Variants in KCNH1 observed in about 807,000 individuals in gnomAD.
KCNH1 encodes the protein voltage-gated delayed rectifier potassium channel KCNH1.
Under a neutral mutation model 69.2 loss-of-function variants are expected in KCNH1, and 27 were observed. The observed-to-expected ratio is 0.39, with a 90% CI of 0.29 to 0.54. The LOEUF is 0.54. KCNH1 is among the 20% of genes least tolerant of loss of function. KCNH1 has a pLI of 0.68. For missense variants in KCNH1, 798 were observed against 1,261.6 expected (o/e 0.63, Z 5.57); for synonymous variants, 456 against 487.7 (o/e 0.93, Z 0.86).
chr1:211,072,298 A>G (rs1690660036), intron 5 of KCNH1, among the ~76,000 whole-genome samples: 1 of 152,068 alleles, frequency 6.6e-6, no homozygotes, highest in Admixed American at 6.6e-5. Context: ...GGAAAAATAG[A>G]CTTTCTCAGA....
At chr1:210,937,773 C>T (rs1195474129) in intron 6 of KCNH1, among the ~76,000 whole-genome samples, 1 of 152,262 alleles carries the variant, frequency 6.6e-6, no homozygotes, top group African/African-American at 2.4e-5. Context: ...CTTTTTTCCT[C>T]CTTATATTAA....
chr1:211,066,546 A>C (rs945120969), intron 5 of KCNH1, among the ~76,000 whole-genome samples: 6 of 152,194 alleles, frequency 3.9e-5, no homozygotes, highest in Admixed American at 3.9e-4. Flanking sequence ...TCACTAACTC[A>C]TTCCAGTGTT....
intron 7 of KCNH1, among the ~76,000 whole-genome samples, chr1:210,833,498 C>T (rs969612419): frequency 3.9e-5 from 6 of 152,216 alleles, no homozygotes; most frequent in South Asian, 2.1e-4. Flanking sequence ...AAGCTGAAAC[C>T]GGATTCCTTC....
At chr1:210,746,595 T>C (rs1021938349) in intron 10 of KCNH1, among the ~76,000 whole-genome samples, 3 of 151,898 alleles carry the variant, frequency 2.0e-5, no homozygotes, top group Non-Finnish European at 4.4e-5. Context: ...AGAGTCTTGC[T>C]CTGTCACAGT....
chr1:211,035,721 G>A (rs1211411474), intron 5 of KCNH1, among the ~76,000 whole-genome samples: 4 of 152,172 alleles, frequency 2.6e-5, no homozygotes, highest in Non-Finnish European at 5.9e-5. Flanking sequence ...ACTGAAAACA[G>A]AAGATGGAAA....
chr1:210,949,349 G>A (rs746103032), intron 6 of KCNH1, among the ~76,000 whole-genome samples: 2 of 152,070 alleles, frequency 1.3e-5, no homozygotes, highest in Non-Finnish European at 2.9e-5. Flanking sequence ...GTTCCTTTCC[G>A]ATGTCTTTAA....
intron 5 of KCNH1, among the ~76,000 whole-genome samples, chr1:211,021,336 C>T (rs1310359631): frequency 6.6e-6 from 1 of 151,908 alleles, no homozygotes; most frequent in African/African-American, 2.4e-5. Flanking sequence ...TAAAAAAGAC[C>T]TTACTTGATA....
At chr1:211,081,061 C>A (rs1353903926) in intron 5 of KCNH1, among the ~76,000 whole-genome samples, 2 of 152,136 alleles carry the variant, frequency 1.3e-5, no homozygotes, top group East Asian at 3.9e-4. Context: ...TTTTTGCAAT[C>A]TACCCATCTG....
intron 9 of KCNH1, among the ~76,000 whole-genome samples, chr1:210,797,009 C>T (rs1026351420): frequency 3.9e-5 from 6 of 152,166 alleles, no homozygotes; most frequent in African/African-American, 1.4e-4. Flanking sequence ...GATATCTTAC[C>T]ATGTCCCCTC....
chr1:210,697,390 G>A (rs753054935), intron 10 of KCNH1, among the ~76,000 whole-genome samples: 1 of 152,234 alleles, frequency 6.6e-6, no homozygotes. Flanking sequence ...CCCAGACCCC[G>A]TGCTGCCTCC....
chr1:210,726,746 G>A (rs910775679), intron 10 of KCNH1, among the ~76,000 whole-genome samples: 10 of 152,166 alleles, frequency 6.6e-5, no homozygotes, highest in Non-Finnish European at 1.5e-4. Context: ...ATACTGTAGT[G>A]AACCCCAAAC....
At chr1:211,016,904 G>GTC (rs1689501915) in intron 6 of KCNH1, among the ~76,000 whole-genome samples, 1 of 15,334 alleles carries the variant, frequency 6.5e-5, no homozygotes, top group Non-Finnish European at 1.0e-4. Context: ...GCAAGACTCT[G>GTC]TCTCAAAAAA....
intron 6 of KCNH1, among the ~76,000 whole-genome samples, chr1:210,939,302 T>A (rs538375826): frequency 1.2e-3 from 175 of 152,096 alleles, no homozygotes; most frequent in African/African-American, 4.0e-3. Flanking sequence ...TATATGGCAA[T>A]AAGATGAAAA....
chr1:210,873,075 T>C (rs1686286542), intron 7 of KCNH1, among the ~76,000 whole-genome samples: 1 of 152,224 alleles, frequency 6.6e-6, no homozygotes, highest in East Asian at 1.9e-4. Flanking sequence ...GTCCATTTTC[T>C]CATTTTTCGC....
At chr1:210,709,730 G>GAGAA (rs1553336772) in intron 10 of KCNH1, among the ~76,000 whole-genome samples, 1,982 of 135,570 alleles carry the variant, frequency 0.015, 54 homozygotes, top group Admixed American at 0.063. Context: ...AGAAGAGAGA[G>GAGAA]AGAGAGAGAG....
intron 3 of KCNH1, among the ~76,000 whole-genome samples, chr1:211,103,040 G>T (rs964706218): frequency 6.6e-6 from 1 of 152,202 alleles, no homozygotes; most frequent in Non-Finnish European, 1.5e-5. Context: ...AATTAACAAT[G>T]CATTGTTGTT....
intron 7 of KCNH1, among the ~76,000 whole-genome samples, chr1:210,880,125 G>A (rs964575452): frequency 2.0e-5 from 3 of 152,134 alleles, no homozygotes; most frequent in Non-Finnish European, 2.9e-5. Context: ...CATGTTCATG[G>A]TTAGGAAGGC....
intron 10 of KCNH1, among the ~76,000 whole-genome samples, chr1:210,744,991 T>G (rs1008375817): frequency 8.8e-6 from 1 of 113,206 alleles, no homozygotes; most frequent in Admixed American, 1.0e-4. Flanking sequence ...TCACCCGAGG[T>G]CAGGAATTCG....
intron 6 of KCNH1, among the ~76,000 whole-genome samples, chr1:211,002,351 TATACAC>T (rs1689204174): frequency 6.8e-6 from 1 of 147,724 alleles, no homozygotes; most frequent in Non-Finnish European, 1.5e-5. Context: ...TATATATATA[TATACAC>T]ACACACATAT....
Sources: allele counts gnomAD v4.1 joint callset (sites outside exome capture counted in the v4.1 genomes callset), GRCh38; gene constraint gnomAD v4.1.1; transcripts MANE v1.5; gene names NCBI Gene and HGNC (gene_info 2026-07-23, HGNC 2026-07-21).